Variants in KCNH7 observed in about 807,000 individuals in gnomAD.
KCNH7 encodes potassium voltage-gated channel subfamily H member 7.
In KCNH7, 49 loss-of-function variants were observed where a neutral mutation model predicts 120.8. The ratio of observed to expected loss-of-function variants is 0.41; its 90% CI spans 0.32 to 0.51. KCNH7 has a LOEUF of 0.51. KCNH7 is among the 20% of genes least tolerant of loss of function. The pLI is 0.38. For synonymous variants in KCNH7, 547 were observed against 516.1 expected (o/e 1.06, Z -0.81); for missense variants, 1,097 against 1,446.6 (o/e 0.76, Z 3.92).
At chr2:162,485,609 AAAGT>A in intron 6 of KCNH7, among the ~76,000 whole-genome samples, 1 of 152,324 alleles carries the variant, frequency 6.6e-6, no homozygotes, top group South Asian at 2.1e-4. Flanking sequence ...TTGAAAACAC[AAAGT>A]GAGTTGGTAG....
At position 162,705,602 on chromosome 2, in the gene KCNH7, C is replaced by A. The variant is rs1385567904; in HGVS notation, c.307+130935G>T. On this transcript the variant is annotated intron_variant, in intron 2 of 15. Transcript: ENST00000332142. ...AATTATGCAAATGTGTTAAGCTGGT[C>A]TTCATGGATTTGTCCAATAATGATA... is the stretch of plus-strand genomic sequence containing the variant. 2.0e-5 allele frequency among the ~76,000 whole-genome samples: 3 copies of A among 152,064 alleles called. 1 individual carries two copies. Among genetic ancestry groups the A allele is most frequent in the Middle Eastern group, 6.3e-3 (2 of 316 alleles).
chr2:162,446,754 A>G (rs1365725780), intron 6 of KCNH7, among the ~76,000 whole-genome samples: 1 of 152,248 alleles, frequency 6.6e-6, no homozygotes, highest in East Asian at 1.9e-4. Flanking sequence ...CTCAGATGTA[A>G]AAATACATGG....
chr2:162,549,413 G>A (rs1024874914), intron 2 of KCNH7, among the ~76,000 whole-genome samples: 1 of 152,190 alleles, frequency 6.6e-6, no homozygotes, highest in African/African-American at 2.4e-5. Flanking sequence ...CTTTTTGCCT[G>A]ATGACTTTGA....
At chr2:162,752,940 AAAG>A (rs1688628364) in intron 2 of KCNH7, among the ~76,000 whole-genome samples, 1 of 99,148 alleles carries the variant, frequency 1.0e-5, no homozygotes, top group Non-Finnish European at 1.8e-5. Context: ...AAAGAAAAGA[AAAG>A]AAAAGAAAAG....
At chr2:162,673,862 G>A (rs1478898988) in intron 2 of KCNH7, among the ~76,000 whole-genome samples, 1 of 151,772 alleles carries the variant, frequency 6.6e-6, no homozygotes, top group Non-Finnish European at 1.5e-5. Context: ...TTTTACAAAG[G>A]AAATTAGCAA....
chr2:162,595,537 T>G (rs191875734), intron 2 of KCNH7, among the ~76,000 whole-genome samples: 2 of 151,986 alleles, frequency 1.3e-5, no homozygotes, highest in South Asian at 2.1e-4. Context: ...TGATAAAATC[T>G]CTCAACAAAA....
chr2:162,738,861 A>G (rs1688014600), intron 2 of KCNH7, among the ~76,000 whole-genome samples: 1 of 152,182 alleles, frequency 6.6e-6, no homozygotes. Flanking sequence ...GCCTCCACCC[A>G]TATCCATGCT....
At chr2:162,806,527 A>G (rs191965359) in intron 2 of KCNH7, among the ~76,000 whole-genome samples, 1 of 152,180 alleles carries the variant, frequency 6.6e-6, no homozygotes, top group South Asian at 2.1e-4. Flanking sequence ...AGTTACCAAT[A>G]GCTGTCATTA....
chr2:162,629,105 T>C (rs750396173), intron 2 of KCNH7, among the ~76,000 whole-genome samples: 161 of 152,024 alleles, frequency 1.1e-3, no homozygotes, highest in Admixed American at 2.8e-3. Context: ...GTGGTGGAAA[T>C]AGAAGTCTCC....
intron 12 of KCNH7, 58 bp downstream of exon 12, chr2:162,394,331 G>A: frequency 2.0e-6 from 2 of 977,544 alleles, no homozygotes; most frequent in Non-Finnish European, 3.3e-6. Flanking sequence ...GAACATTTAA[G>A]TAAGAAGGCT....
chr2:162,816,879 T>C (rs1295967161), intron 2 of KCNH7, among the ~76,000 whole-genome samples: 1 of 152,168 alleles, frequency 6.6e-6, no homozygotes, highest in African/African-American at 2.4e-5. Flanking sequence ...CAGAAATGAA[T>C]TGTAAACTGC....
chr2:162,759,741 GA>G (rs1408154995), intron 2 of KCNH7, among the ~76,000 whole-genome samples: 1 of 151,292 alleles, frequency 6.6e-6, no homozygotes, highest in African/African-American at 2.4e-5. Flanking sequence ...GGAAAGAGTA[GA>G]AAAAGAAAAA....
At chr2:162,553,383 A>C (rs145901927) in intron 2 of KCNH7, among the ~76,000 whole-genome samples, 1 of 152,288 alleles carries the variant, frequency 6.6e-6, no homozygotes, top group East Asian at 1.9e-4. Context: ...CAGAAGACAA[A>C]AAATAAATGT....
intron 2 of KCNH7, among the ~76,000 whole-genome samples, chr2:162,586,656 TTTC>T (rs1694030987): frequency 1.3e-5 from 2 of 151,606 alleles, no homozygotes; most frequent in African/African-American, 4.8e-5. Flanking sequence ...ATGATAACGG[TTTC>T]TTTCCTTTTT....
intron 6 of KCNH7, among the ~76,000 whole-genome samples, chr2:162,456,699 C>T (rs941553048): frequency 6.6e-6 from 1 of 152,082 alleles, no homozygotes; most frequent in Non-Finnish European, 1.5e-5. Context: ...TTACTGGGTG[C>T]ATATATATTT....
At chr2:162,600,759 T>A (rs576941419) in intron 2 of KCNH7, among the ~76,000 whole-genome samples, 1 of 152,218 alleles carries the variant, frequency 6.6e-6, no homozygotes, top group African/African-American at 2.4e-5. Context: ...TCTAACCCAG[T>A]TGCAAGTAGT....
chr2:162,733,863 G>A (rs1004468261), intron 2 of KCNH7, among the ~76,000 whole-genome samples: 1 of 152,086 alleles, frequency 6.6e-6, no homozygotes, highest in Non-Finnish European at 1.5e-5. Flanking sequence ...TTCCTCCTTA[G>A]TTTGTCATCT....
At chr2:162,394,056 G>A (rs907354372) in intron 12 of KCNH7, among the ~76,000 whole-genome samples, 1 of 151,956 alleles carries the variant, frequency 6.6e-6, no homozygotes, top group African/African-American at 2.4e-5. Context: ...GGGCATGTAA[G>A]AGGATTGACC....
intron 2 of KCNH7, among the ~76,000 whole-genome samples, chr2:162,732,040 G>A (rs1231943315): frequency 6.6e-6 from 1 of 152,156 alleles, no homozygotes; most frequent in Non-Finnish European, 1.5e-5. Flanking sequence ...CAGACACTAG[G>A]CAGATGTTGA....
Sources: gnomAD v4.1 joint callset for allele counts (sites outside exome capture counted in the v4.1 genomes callset) on GRCh38, gnomAD v4.1.1 for gene constraint, MANE v1.5 for transcripts, NCBI Gene and HGNC (gene_info 2026-07-23, HGNC 2026-07-21) for gene names.